The following HDAC4 variants were observed in gnomAD, a reference collection of about 807,000 sequenced individuals.
HDAC4 encodes histone deacetylase A.
HDAC4 carries 16 observed loss-of-function variants against 135.1 expected under a neutral mutation model. The ratio of observed to expected loss-of-function variants is 0.12; its 90% CI spans 0.08 to 0.18. HDAC4 has a LOEUF of 0.18. Among genes scored for constraint, HDAC4 ranks in the 10% least tolerant of loss-of-function variants. The probability of loss-of-function intolerance (pLI) is 1.00; values close to 1 mark genes in which losing one functional copy is unlikely to be tolerated. For synonymous variants in HDAC4, 685 were observed against 653.4 expected, an observed-to-expected ratio of 1.05 and a Z score of -0.74; for missense variants, 1,143 against 1,511.8, an observed-to-expected ratio of 0.76 and a Z score of 4.05.
In HDAC4 at chr2:239,371,595, ACACT is replaced by A. The variant is rs1177814879; in HGVS notation, c.-219-18681_-219-18678del. On this transcript the variant is annotated intron_variant, in intron 1 of 26. Coordinates refer to ENST00000543185, the MANE Select transcript of HDAC4 (RefSeq NM_001378414.1). ...GTAACACACCCACAGACATTCACAAACACTCATGCTCACACATTCACACTCACAA... is the reference window on the plus strand; with the variant it reads ...GTAACACACCCACAGACATTCACAAACATGCTCACACATTCACACTCACAA... 2.5e-4 allele frequency among the ~76,000 whole-genome samples: 36 copies of A among 146,650 alleles called. No individual in the cohort carries two copies. In the Admixed American group the frequency reaches 2.5e-3, roughly 10 times the overall value.
intron 16 of HDAC4, among the ~76,000 whole-genome samples, chr2:239,098,378 G>A (rs761321882): frequency 4.6e-5 from 7 of 152,350 alleles, no homozygotes; most frequent in African/African-American, 9.6e-5. Context: ...GGGAAGGCTC[G>A]GCTCCAGCCA....
Position 239,139,661 on chromosome 2 carries a change from C to T in HDAC4, c.978+23G>A, listed in dbSNP as rs769874992. On this transcript the variant is annotated intron_variant, in intron 9 of 26. Transcript: ENST00000543185. This position sits in a 1 kb window ranked among gnomAD's most constrained non-coding sequence, Gnocchi z 5.3. ...CGAGTCCGACTCTAGCCGTAGGACA[C>T]AGGACAAACGCTTCGCACTGACCTC... 2.5e-4 allele frequency: 400 copies of T among 1,602,286 alleles called. No individual in the cohort carries two copies. Among genetic ancestry groups the T allele is most frequent in the Non-Finnish European group, 5.5e-5 (64 of 1,169,328 alleles).
At chr2:239,118,190 GGTTT>G (rs1180515594) in intron 12 of HDAC4, among the ~76,000 whole-genome samples, 1 of 151,932 alleles carries the variant, frequency 6.6e-6, no homozygotes, top group East Asian at 1.9e-4. Flanking sequence ...TTGGGCGGGG[GGTTT>G]GTTTTATGAT....
chr2:239,092,482 T>C (rs552937933), intron 17 of HDAC4, among the ~76,000 whole-genome samples: 95 of 152,334 alleles, frequency 6.2e-4, no homozygotes, highest in African/African-American at 2.2e-3. Flanking sequence ...ACCCGTGTTC[T>C]GAAGGGTCTT....
intron 2 of HDAC4, among the ~76,000 whole-genome samples, chr2:239,288,399 G>A (rs76904357): frequency 0.028 from 4,321 of 152,300 alleles, 87 homozygotes; most frequent in Non-Finnish European, 0.044. Context: ...AAGGACGACA[G>A]AAGGAAGTCC....
chr2:239,155,648 G>C (rs2042378544), intron 7 of HDAC4: 1 of 152,418 alleles, frequency 6.6e-6, no homozygotes, highest in Non-Finnish European at 1.5e-5. Context: ...CATTGTTCCA[G>C]TGAAGAAGCC....
chr2:239,368,501 G>A (rs940094377), intron 1 of HDAC4, among the ~76,000 whole-genome samples: 1 of 152,144 alleles, frequency 6.6e-6, no homozygotes, highest in Non-Finnish European at 1.5e-5. Context: ...AGGGTGCCAA[G>A]CAAGAAAAAC....
intron 25 of HDAC4, among the ~76,000 whole-genome samples, chr2:239,054,329 C>G (rs2031425503): frequency 6.6e-6 from 1 of 152,094 alleles, no homozygotes; most frequent in Non-Finnish European, 1.5e-5. Context: ...ACTCAGAGGG[C>G]CTACACCCTG....
chr2:239,076,669 G>A (rs1175851636), intron 22 of HDAC4, among the ~76,000 whole-genome samples: 2 of 152,192 alleles, frequency 1.3e-5, no homozygotes, highest in Non-Finnish European at 2.9e-5. Flanking sequence ...TGAGTTTCTG[G>A]CTGCCGTTCT....
At chr2:239,359,392 T>C (rs1693719254) in intron 1 of HDAC4, among the ~76,000 whole-genome samples, 1 of 152,242 alleles carries the variant, frequency 6.6e-6, no homozygotes. Context: ...GGAAACATGT[T>C]TCACATGATG....
At chr2:239,179,389 A>C (rs2043992927) in intron 4 of HDAC4, among the ~76,000 whole-genome samples, 1 of 152,206 alleles carries the variant, frequency 6.6e-6, no homozygotes, top group South Asian at 2.1e-4. Flanking sequence ...GCCAGAGCTC[A>C]AGCTCCTGCT....
chr2:239,138,347 C>T (rs1210356107), intron 9 of HDAC4, among the ~76,000 whole-genome samples: 4 of 152,182 alleles, frequency 2.6e-5, no homozygotes, highest in African/African-American at 9.7e-5. Flanking sequence ...TATACATAAA[C>T]GGTCTTGAAA....
intron 2 of HDAC4, among the ~76,000 whole-genome samples, chr2:239,252,417 C>G (rs2048834137): frequency 6.6e-6 from 1 of 152,194 alleles, no homozygotes; most frequent in South Asian, 2.1e-4. Flanking sequence ...ACCATGGACA[C>G]AGCCCACGTC....
At chr2:239,334,451 G>A (rs1040924555) in intron 2 of HDAC4, among the ~76,000 whole-genome samples, 9 of 152,066 alleles carry the variant, frequency 5.9e-5, no homozygotes, top group Non-Finnish European at 1.2e-4. Flanking sequence ...AGCCTGGGAG[G>A]CGGAGGTTGC....
At chr2:239,183,554 CCCCACTG>C (rs1449668744) in intron 4 of HDAC4, among the ~76,000 whole-genome samples, 1 of 152,204 alleles carries the variant, frequency 6.6e-6, no homozygotes, top group East Asian at 1.9e-4. Flanking sequence ...TGTCACCTGG[CCCCACTG>C]CCCACTGCCA....
At chr2:239,252,921 C>T (rs1362281090) in intron 2 of HDAC4, among the ~76,000 whole-genome samples, 1 of 152,250 alleles carries the variant, frequency 6.6e-6, no homozygotes, top group Non-Finnish European at 1.5e-5. Flanking sequence ...CAGGAACGCA[C>T]CACCTGCGCT....
chr2:239,055,219 TG>T (rs1293676362), intron 24 of HDAC4: 1 of 292,636 alleles, frequency 3.4e-6, no homozygotes, highest in East Asian at 9.0e-5. Context: ...TAAGAATGTC[TG>T]AATATCCCCT....
In HDAC4 at chr2:239,299,548, C is replaced by G. The variant is rs1310106133; in HGVS notation, c.22+53130G>C. ...GCTGTACAACTGTACAACGGGAGGG[C>G]AGCGACACGTGCTTATTTGTATTAA... On this transcript the variant is annotated intron_variant, in intron 2 of 26. Transcript: ENST00000543185. This position sits in a 1 kb window ranked among gnomAD's most constrained non-coding sequence, Gnocchi z 4.0. Among the ~76,000 whole-genome samples the G allele has an allele frequency of 1.3e-5, 2 of 152,236 alleles. No individual in the cohort carries two copies. Among genetic ancestry groups the G allele is most frequent in the African/African-American group, 4.8e-5 (2 of 41,464 alleles).
intron 3 of HDAC4, among the ~76,000 whole-genome samples, chr2:239,208,326 C>CAAAA (rs759398313): frequency 2.7e-3 from 181 of 68,126 alleles, no homozygotes; most frequent in Admixed American, 4.5e-3. Flanking sequence ...GACTCCGTCC[C>CAAAA]AAAAAAAAAA....
Sources: gnomAD v4.1 joint callset for allele counts (sites outside exome capture counted in the v4.1 genomes callset) on GRCh38, gnomAD v4.1.1 for gene constraint, Gnocchi (gnomAD v3.1) non-coding constraint, MANE v1.5 for transcripts, NCBI Gene and HGNC (gene_info 2026-07-23, HGNC 2026-07-21) for gene names.